The following KAZN variants were observed in gnomAD, a reference collection of about 807,000 sequenced individuals.
KAZN encodes the protein kazrin.
In KAZN, 40 loss-of-function variants were observed where a neutral mutation model predicts 87.4. The ratio of observed to expected loss-of-function variants is 0.46; its 90% confidence interval spans 0.36 to 0.60. The LOEUF (loss-of-function observed/expected upper bound fraction) is 0.60, where lower values mean the gene tolerates loss of function less well. Ranked by LOEUF, KAZN falls within the 20% of genes least tolerant of loss-of-function variation. The pLI is 0.00. For synonymous variants in KAZN, 466 were observed against 458.3 expected, an observed-to-expected ratio of 1.02 and a Z score of -0.22; for missense variants, 898 against 1,073.9, an observed-to-expected ratio of 0.84 and a Z score of 2.29.
intron 2 of KAZN, among the ~76,000 whole-genome samples, chr1:14,318,151 TTA>T (rs1045252402): frequency 1.3e-5 from 2 of 152,074 alleles, no homozygotes; most frequent in African/African-American, 4.8e-5. Context: ...ACAATTTACT[TTA>T]TATTTACCCA....
chr1:14,300,602 G>A (rs1654481047), intron 2 of KAZN, among the ~76,000 whole-genome samples: 1 of 152,158 alleles, frequency 6.6e-6, no homozygotes, highest in African/African-American at 2.4e-5. Context: ...GCTGCACAGA[G>A]GAAAATCAAT....
chr1:14,284,135 G>C (rs927863855), intron 2 of KAZN, among the ~76,000 whole-genome samples: 8 of 151,984 alleles, frequency 5.3e-5, no homozygotes, highest in Non-Finnish European at 1.2e-4. Context: ...AAGAAAATGA[G>C]GGGGGAATGG....
At chr1:14,409,504 A>G (rs976891904) in intron 2 of KAZN, among the ~76,000 whole-genome samples, 21 of 152,202 alleles carry the variant, frequency 1.4e-4, no homozygotes, top group Non-Finnish European at 8.8e-5. Context: ...TTGATCTCAC[A>G]TAAGCTCAAA....
chr1:14,365,158 C>T (rs1659866802), intron 2 of KAZN, among the ~76,000 whole-genome samples: 1 of 152,062 alleles, frequency 6.6e-6, no homozygotes, highest in Non-Finnish European at 1.5e-5. Flanking sequence ...ATTCTCCCGC[C>T]TCAGCCTCCC....
At chr1:14,572,582 G>C (rs1018758403) in intron 2 of KAZN, among the ~76,000 whole-genome samples, 8 of 152,190 alleles carry the variant, frequency 5.3e-5, no homozygotes, top group Non-Finnish European at 1.0e-4. Context: ...ACAGTTTGCC[G>C]GCTGGCTTCT....
chr1:14,140,977 G>A (rs975843926), intron 1 of KAZN, among the ~76,000 whole-genome samples: 9 of 152,200 alleles, frequency 5.9e-5, no homozygotes, highest in South Asian at 4.2e-4. Flanking sequence ...ACAACGCTCC[G>A]CTCAGAAGTT....
chr1:14,867,724 A>ACC (rs1553148134), intron 1 of KAZN, among the ~76,000 whole-genome samples: 2,470 of 107,320 alleles, frequency 0.023, 160 homozygotes, highest in African/African-American at 0.039. Context: ...CTTTGAAGAC[A>ACC]CCCCCCCCCC....
intron 3 of KAZN, among the ~76,000 whole-genome samples, chr1:15,035,399 T>G (rs1215404071): frequency 6.6e-6 from 1 of 151,364 alleles, no homozygotes; most frequent in African/African-American, 2.4e-5. Flanking sequence ...AGGGAGGGAG[T>G]CTTGGAAGGC....
At chr1:14,465,826 T>A (rs1341053146) in intron 2 of KAZN, among the ~76,000 whole-genome samples, 1 of 152,212 alleles carries the variant, frequency 6.6e-6, no homozygotes, top group Non-Finnish European at 1.5e-5. Context: ...TAATAATCCA[T>A]TATATAGTTA....
At chr1:14,211,099 T>C (rs1264707058) in intron 2 of KAZN, among the ~76,000 whole-genome samples, 3 of 152,198 alleles carry the variant, frequency 2.0e-5, no homozygotes, top group African/African-American at 7.2e-5. Flanking sequence ...TTTATGGTGT[T>C]CTATTCTAAG....
intron 1 of KAZN, chr1:14,692,164 C>T (rs3737686): frequency 0.48 from 180,302 of 372,008 alleles, 45,802 homozygotes; most frequent in South Asian, 0.57. Flanking sequence ...ACTAAATGTG[C>T]TTCTTTATAT....
chr1:14,065,504 T>C (rs1376882993), intron 1 of KAZN, among the ~76,000 whole-genome samples: 1 of 150,740 alleles, frequency 6.6e-6, no homozygotes, highest in Non-Finnish European at 1.5e-5. Context: ...CCTATATTTC[T>C]AAGCACGCAT....
chr1:14,405,529 A>C (rs1466287741), intron 2 of KAZN, among the ~76,000 whole-genome samples: 1 of 151,614 alleles, frequency 6.6e-6, no homozygotes, highest in East Asian at 1.9e-4. Context: ...CTGCCTCAGC[A>C]CTTCCTAGCT....
rs181279534 is a variant in KAZN at position 14,222,827 on chromosome 1, C to T, written c.249+42235C>T. On this transcript the variant is annotated intron_variant, in intron 2 of 16. Transcript: ENST00000636203. ...GTCATGATGTCCCAGTATTTTGAAT[C>T]TGCAAATATTATGATGAATAGGTAT... is the stretch of plus-strand genomic sequence containing the variant. Among the ~76,000 whole-genome samples the T allele has an allele frequency of 9.9e-5, 15 of 152,242 alleles. No homozygotes were observed. The East Asian group carries it at 2.5e-3, about 25-fold the overall frequency.
chr1:14,924,229 C>G (rs900305408), intron 1 of KAZN: 9 of 980,346 alleles, frequency 9.2e-6, no homozygotes, highest in Admixed American at 1.3e-4. Flanking sequence ...GTCCGGCGCG[C>G]GCCGCCGGCC....
intron 1 of KAZN, among the ~76,000 whole-genome samples, chr1:14,084,567 A>G (rs775001375): frequency 5.3e-5 from 8 of 152,136 alleles, no homozygotes; most frequent in Non-Finnish European, 8.8e-5. Flanking sequence ...GGGATTGGCT[A>G]TCATTAAGCA....
chr1:15,084,927 A>G (rs979581807), intron 8 of KAZN, among the ~76,000 whole-genome samples: 11 of 152,272 alleles, frequency 7.2e-5, no homozygotes, highest in Non-Finnish European at 1.5e-4. Context: ...AATACTAAAT[A>G]CTATGCATAA....
chr1:15,026,144 T>A (rs1339503999), intron 2 of KAZN, among the ~76,000 whole-genome samples: 1 of 151,898 alleles, frequency 6.6e-6, no homozygotes, highest in African/African-American at 2.4e-5. Context: ...CGGGGCTCTT[T>A]ACTTGGAAAC....
At chr1:14,169,889 A>C (rs933112896) in intron 1 of KAZN, among the ~76,000 whole-genome samples, 2 of 152,220 alleles carry the variant, frequency 1.3e-5, no homozygotes, top group Non-Finnish European at 2.9e-5. Context: ...TATTAGACAC[A>C]GCTAATAGCA....
Sources: gnomAD v4.1 joint callset for allele counts (sites outside exome capture counted in the v4.1 genomes callset) on GRCh38, gnomAD v4.1.1 for gene constraint, MANE v1.5 for transcripts, NCBI Gene and HGNC (gene_info 2026-07-23, HGNC 2026-07-21) for gene names.